SLC12A5: variants seen among roughly 807,000 people sequenced by gnomAD.
SLC12A5 encodes solute carrier family 12 member 5.
A neutral mutation model predicts 124.0 loss-of-function variants in SLC12A5; 18 were observed. That is an observed-to-expected ratio of 0.15 (90% CI 0.10 to 0.22). The LOEUF is 0.22. SLC12A5 is among the 10% of genes least tolerant of loss of function. The probability of loss-of-function intolerance (pLI) is 1.00; values close to 1 mark genes in which losing one functional copy is unlikely to be tolerated. For synonymous variants in SLC12A5, 589 were observed against 568.0 expected (o/e 1.04, Z -0.53); for missense variants, 867 against 1,478.7 (o/e 0.59, Z 6.78).
At position 46,058,292 on chromosome 20, in the gene SLC12A5, T is replaced by A; in HGVS notation, c.*687T>A. ...CCAAGAGTTTGAGAGCGAAAGTGCT[T>A]TAGGCCCAGGCGGGGGTCGTGGCCT... On this transcript the variant is annotated 3_prime_UTR_variant, in exon 26 of 26. Transcript: ENST00000243964. This position sits in a 1 kb window ranked among gnomAD's most constrained non-coding sequence, Gnocchi z 5.8. 1 of 396,578 alleles carries A rather than the reference T, an allele frequency of 2.5e-6. No individual in the cohort carries two copies. The highest frequency in any genetic ancestry group is 4.4e-6 in the Non-Finnish European group (1 of 225,068). The allele number at this position is 396,578 out of a possible 1,614,324, so 24.6% of individuals were successfully genotyped here.
At chr20:46,055,887 T>C (rs2297200) in intron 21 of SLC12A5, 4 of 466,650 alleles carry the variant, frequency 8.6e-6, no homozygotes, top group Middle Eastern at 5.9e-4. Flanking sequence ...AGGACTGACA[T>C]TGGACCATAG....
At chr20:46,030,009 T>A (rs1375902973) in intron 1 of SLC12A5, among the ~76,000 whole-genome samples, 1 of 151,816 alleles carries the variant, frequency 6.6e-6, no homozygotes, top group Non-Finnish European at 1.5e-5. Flanking sequence ...ACCCAGATTG[T>A]CCCCTTGGTG....
In SLC12A5 at chr20:46,035,869, G is replaced by T. The variant is rs750134396; in HGVS notation, c.372G>T (p.Val124=). The T allele has an allele frequency of 6.1e-5, 98 of 1,614,018 alleles. No homozygotes were observed. Among genetic ancestry groups the T allele is most frequent in the Non-Finnish European group, 8.1e-5 (95 of 1,179,996 alleles). Residue 124 remains valine (V), a synonymous_variant, in exon 4 of 26, where the codon GTG becomes GTT. Transcript: ENST00000243964. ...VILFLRLTWV[V]GIAGIMESFC... is the part of the protein sequence containing the mutation. ...TCTTCCTGCGGCTCACCTGGGTGGT[G>T]GGCATTGCAGGCATCATGGAGTCCT...
intron 1 of SLC12A5, among the ~76,000 whole-genome samples, chr20:46,033,352 TG>T (rs1159550229): frequency 1.3e-5 from 2 of 152,140 alleles, no homozygotes; most frequent in Admixed American, 6.5e-5. Context: ...AGATGTCAAC[TG>T]CTGGAATTCA....
At chr20:46,023,486 C>A in exon 3 of SLC12A5, 1 of 398,998 alleles carries the variant, frequency 2.5e-6, no homozygotes. Flanking sequence ...TGGCCACGAC[C>A]ACATCCTCTC....
At chr20:46,023,004 AGAGGAGGAGGAGGAGAAG>A in exon 2 of SLC12A5, 1 of 357,560 alleles carries the variant, frequency 2.8e-6, no homozygotes. Context: ...AGGAGGAGGA[AGAGGAGGAGGAGGAGAAG>A]GAGGAGGAGA....
intron 1 of SLC12A5, chr20:46,022,567 G>C (rs2084364485): frequency 2.9e-6 from 1 of 340,464 alleles, no homozygotes; most frequent in Non-Finnish European, 5.3e-6. Context: ...GAAGGAGACG[G>C]GAGGCAGGGA....
chr20:46,057,299 A>G lies in SLC12A5; in HGVS notation c.3255A>G (p.Glu1085=), dbSNP rs754623157. 61 of 1,614,150 alleles carry G rather than the reference A, an allele frequency of 3.8e-5. No homozygotes were observed. The highest frequency in any genetic ancestry group is 5.0e-5 in the Non-Finnish European group (59 of 1,179,992). The change falls in exon 25 of 26, where the codon GAA becomes GAG. Residue 1085 remains glutamate, a synonymous_variant. Transcript: ENST00000243964. This position sits in a 1 kb window ranked among gnomAD's most constrained non-coding sequence, Gnocchi z 7.1. ...CTCCCCGCAACCGCAATGGTGATGA[A>G]AACTGTATCCTGGAATTAAAATTGG... The part of the protein sequence containing the change: ...PGPPRNRNGD[E]NYMEFLEVLT...
intron 8 of SLC12A5, 25 bp downstream of exon 8, chr20:46,041,565 A>G: frequency 6.2e-7 from 1 of 1,612,034 alleles, no homozygotes; most frequent in Non-Finnish European, 8.5e-7. Context: ...AAGGGCTGGC[A>G]TCCAGGGAAC....
intron 2 of SLC12A5, chr20:46,023,288 C>G: frequency 2.5e-6 from 1 of 398,552 alleles, no homozygotes; most frequent in Non-Finnish European, 4.4e-6. Flanking sequence ...TTCTCATTTT[C>G]ATGAATGACC....
In SLC12A5 at chr20:46,053,789, A is replaced by T; in HGVS notation, c.2679+80A>T. 1 of 1,430,202 alleles carries T rather than the reference A, an allele frequency of 7.0e-7. No homozygotes were observed. 88.6% of individuals were successfully genotyped at this position (1,430,202 alleles called of 1,614,324 possible). On this transcript the variant is annotated intron_variant, in intron 20 of 25. Coordinates refer to ENST00000243964, the MANE Select transcript of SLC12A5 (RefSeq NM_020708.5). The surrounding 1 kb of genome is among the most constrained non-coding windows in gnomAD (Gnocchi z 4.7). ...CCCAGCACCAAGTAGGGCAACTCTAACACCCATCAGCTTATGATGCTGGAT... is the reference window on the plus strand; with the variant it reads ...CCCAGCACCAAGTAGGGCAACTCTATCACCCATCAGCTTATGATGCTGGAT...
chr20:46,021,703 C>T (rs1432718061), upstream of SLC12A5: 3 of 1,521,752 alleles, frequency 2.0e-6, no homozygotes, highest in African/African-American at 2.8e-5. Context: ...CCTCCTAGAG[C>T]CTGGTTGCAG....
chr20:46,040,676 G>T (rs2084538028), intron 7 of SLC12A5, 62 bp downstream of exon 7: 8 of 1,586,194 alleles, frequency 5.0e-6, no homozygotes, highest in Non-Finnish European at 6.9e-6. Flanking sequence ...CTGTTTCAGA[G>T]TCTCTGCCAA....
chr20:46,035,394 C>T lies in SLC12A5; in HGVS notation c.148-10C>T. The T allele has an allele frequency of 2.5e-6, 4 of 1,608,458 alleles. No homozygotes were observed. Among genetic ancestry groups the T allele is most frequent in the Non-Finnish European group, 3.4e-6 (4 of 1,176,650 alleles). ...CCCAGCCTCCTAGCACTGACACCCT[C>T]CCTCCATAGGAGGAGATGGACACCA... On this transcript the variant is annotated splice_polypyrimidine_tract_variant and intron_variant, in intron 2 of 25. Transcript: ENST00000243964.
At chr20:46,043,829 AG>A in intron 10 of SLC12A5, 46 bp from the exon 11 acceptor site, 3 of 1,612,312 alleles carry the variant, frequency 1.9e-6, no homozygotes, top group Non-Finnish European at 2.5e-6. Flanking sequence ...AAGGGTGGGG[AG>A]GGGGAGGACT....
Position 46,043,213 on chromosome 20 carries a change from C to T in SLC12A5, c.1127C>T (p.Ser376Leu), listed in dbSNP as rs1568862550. Residue 376 changes from serine (S) to leucine (L), a missense_variant, in exon 9 of 26, where the codon TCG (serine) becomes TTG (leucine). Ser to Leu is a moderately radical substitution (Grantham distance 145). Transcript: ENST00000243964. ...GVIVERSGMT[S>L]VGLADGTPID... ...ATTGTGGAGAGGAGTGGGATGACCT[C>T]GGTGGGCCTGGCCGATGGCACTCCT... 2 of 1,614,028 alleles carry T rather than the reference C, an allele frequency of 1.2e-6. No individual in the cohort carries two copies. Among genetic ancestry groups the T allele is most frequent in the Non-Finnish European group, 1.7e-6 (2 of 1,179,988 alleles).
chr20:46,035,183 C>T, intron 2 of SLC12A5, 141 bp downstream of exon 2: 2 of 993,434 alleles, frequency 2.0e-6, no homozygotes, highest in Non-Finnish European at 3.1e-6. Flanking sequence ...GCCTCCCCAT[C>T]CCTCCTTCTC....
intron 10 of SLC12A5, 49 bp from the exon 11 acceptor site, chr20:46,043,827 G>A (rs2084569935): frequency 1.2e-6 from 2 of 1,613,062 alleles, no homozygotes; most frequent in Admixed American, 1.7e-5. Flanking sequence ...GGAAGGGTGG[G>A]GAGGGGGAGG....
chr20:46,054,283 A>T (rs2084671518), intron 20 of SLC12A5, among the ~76,000 whole-genome samples: 1 of 152,246 alleles, frequency 6.6e-6, no homozygotes, highest in South Asian at 2.1e-4. Flanking sequence ...AAAATACAGT[A>T]ATCTTAAGGG....
Sources: gnomAD v4.1 joint callset for allele counts (sites outside exome capture counted in the v4.1 genomes callset) on GRCh38, gnomAD v4.1.1 for gene constraint, Gnocchi (gnomAD v3.1) non-coding constraint, MANE v1.5 for transcripts, NCBI Gene and HGNC (gene_info 2026-07-23, HGNC 2026-07-21) for gene names.